Variants in LARGE1 observed in about 807,000 individuals in gnomAD.
LARGE1 encodes LARGE xylosyl- and glucuronyltransferase 1.
LARGE1 carries 43 observed loss-of-function variants against 87.6 expected under a neutral mutation model. That is an observed-to-expected ratio of 0.49 (90% CI 0.38 to 0.63). The LOEUF (loss-of-function observed/expected upper bound fraction) is 0.63, where lower values mean the gene tolerates loss of function less well. Ranked by LOEUF, LARGE1 falls within the 30% of genes least tolerant of loss-of-function variation. LARGE1 has a pLI of 0.00. For missense variants in LARGE1, 802 were observed against 1,000.2 expected, an observed-to-expected ratio of 0.80 and a Z score of 2.67; for synonymous variants, 434 against 394.6, an observed-to-expected ratio of 1.10 and a Z score of -1.18.
intron 6 of LARGE1, among the ~76,000 whole-genome samples, chr22:33,464,898 C>G (rs2068534274): frequency 6.6e-6 from 1 of 150,828 alleles, no homozygotes; most frequent in Non-Finnish European, 1.5e-5. Context: ...CACATACACA[C>G]ACACACACAT....
At chr22:33,913,241 C>T (rs1018462579) in intron 1 of LARGE1, among the ~76,000 whole-genome samples, 4 of 152,216 alleles carry the variant, frequency 2.6e-5, no homozygotes, top group African/African-American at 9.6e-5. Context: ...ATCCTGGAAA[C>T]TCTTACCTAA....
intron 9 of LARGE1, among the ~76,000 whole-genome samples, chr22:33,367,122 A>G (rs1006491542): frequency 1.3e-5 from 2 of 149,608 alleles, no homozygotes; most frequent in Admixed American, 6.7e-5. Context: ...ACAGTATTCT[A>G]TTTTTTTTTT....
intron 3 of LARGE1, among the ~76,000 whole-genome samples, chr22:33,637,335 T>C (rs2149121757): frequency 6.6e-6 from 1 of 152,288 alleles, no homozygotes; most frequent in East Asian, 1.9e-4. Flanking sequence ...AAAATAAGTT[T>C]TACAAAAAAG....
At chr22:33,851,943 C>A (rs2063595040) in intron 1 of LARGE1, among the ~76,000 whole-genome samples, 1 of 152,140 alleles carries the variant, frequency 6.6e-6, no homozygotes, top group South Asian at 2.1e-4. Flanking sequence ...TTGCTTTTAT[C>A]TGTGCTCAGT....
intron 6 of LARGE1, among the ~76,000 whole-genome samples, chr22:33,536,794 G>A (rs940514901): frequency 6.6e-6 from 1 of 151,970 alleles, no homozygotes; most frequent in Non-Finnish European, 1.5e-5. Flanking sequence ...AAGTTGAAAG[G>A]CCATTTATTT....
chr22:33,413,273 A>AT (rs1569142278), intron 7 of LARGE1, among the ~76,000 whole-genome samples: 1 of 152,062 alleles, frequency 6.6e-6, no homozygotes, highest in African/African-American at 2.4e-5. Context: ...TGGTATAATA[A>AT]TTTTTAACTT....
the LARGE1 span, among the ~76,000 whole-genome samples, chr22:33,078,504 G>A: frequency 2.0e-5 from 3 of 152,042 alleles, no homozygotes; most frequent in Non-Finnish European, 4.4e-5. Flanking sequence ...GGAAAATATC[G>A]AGGCACAGAA....
intron 5 of LARGE1, among the ~76,000 whole-genome samples, chr22:33,581,567 A>G (rs980681861): frequency 6.6e-6 from 1 of 152,108 alleles, no homozygotes; most frequent in South Asian, 2.1e-4. Flanking sequence ...TAATCCCAGC[A>G]CTTTGGGAGG....
chr22:33,666,039 G>A (rs985241323), intron 2 of LARGE1, among the ~76,000 whole-genome samples: 3 of 152,030 alleles, frequency 2.0e-5, no homozygotes, highest in Admixed American at 6.6e-5. Context: ...TTTACTTTCT[G>A]CATCTAAATA....
At chr22:33,609,128 C>T (rs977091990) in intron 4 of LARGE1, among the ~76,000 whole-genome samples, 1 of 152,132 alleles carries the variant, frequency 6.6e-6, no homozygotes, top group African/African-American at 2.4e-5. Context: ...GCAATAACTA[C>T]ATATAAGTTA....
chr22:33,361,506 T>C (rs1016851662), intron 9 of LARGE1, among the ~76,000 whole-genome samples: 2 of 149,618 alleles, frequency 1.3e-5, no homozygotes, highest in African/African-American at 4.9e-5. Flanking sequence ...TACTCCCTGC[T>C]CTGGAGATAT....
At chr22:33,132,311 G>A in the LARGE1 span, among the ~76,000 whole-genome samples, 2 of 151,878 alleles carry the variant, frequency 1.3e-5, no homozygotes, top group South Asian at 4.2e-4. Context: ...AGCCTCCCAA[G>A]TGGCTGGGGC....
chr22:33,276,239 G>A (rs915944650), intron 14 of LARGE1, among the ~76,000 whole-genome samples: 3 of 151,854 alleles, frequency 2.0e-5, no homozygotes, highest in Non-Finnish European at 4.4e-5. Flanking sequence ...AAAAAGGCTG[G>A]AGGGACCGAG....
At chr22:33,279,591 T>G (rs1394284453) in intron 13 of LARGE1, among the ~76,000 whole-genome samples, 1 of 152,150 alleles carries the variant, frequency 6.6e-6, no homozygotes, top group Non-Finnish European at 1.5e-5. Flanking sequence ...ACAGCCAGGC[T>G]AGGGGAGGGC....
In LARGE1 at chr22:33,874,098, TTCCACAGGCCGCTTTTTGCATC is replaced by T. The variant is rs538599599; in HGVS notation, c.-83+45875_-83+45896del. ...CTTAAATAAGAAAATGGTACATTAT[TTCCACAGGCCGCTTTTTGCATC>T]CTACCTCTGTCCAACGCAAAACCTC... On this transcript the variant is annotated intron_variant, in intron 1 of 14. Coordinates refer to ENST00000397394, the MANE Select transcript of LARGE1 (RefSeq NM_133642.5). Among the ~76,000 whole-genome samples the T allele has an allele frequency of 1.1e-4, 16 of 152,250 alleles. No homozygotes were observed. The South Asian group carries it at 3.3e-3, about 32-fold the overall frequency.
At chr22:33,826,576 T>C (rs4820117) in intron 1 of LARGE1, among the ~76,000 whole-genome samples, 95,183 of 151,722 alleles carry the variant, frequency 0.63, 30,143 homozygotes, top group East Asian at 0.81. Flanking sequence ...CTCCTGACGT[T>C]GTGATCCGCC....
chr22:33,878,125 A>ATTTCTTTTTTTTTT (rs2064531197), intron 1 of LARGE1, among the ~76,000 whole-genome samples: 1 of 51,236 alleles, frequency 2.0e-5, no homozygotes, highest in Non-Finnish European at 4.1e-5. Context: ...TTTATATTGT[A>ATTTCTTTTTTTTTT]TTTCTTTTTT....
At chr22:33,401,351 C>G (rs755180031) in intron 7 of LARGE1, among the ~76,000 whole-genome samples, 3 of 152,162 alleles carry the variant, frequency 2.0e-5, no homozygotes, top group Non-Finnish European at 4.4e-5. Flanking sequence ...GTCCAATCAA[C>G]TGGTCAGAAA....
intron 6 of LARGE1, among the ~76,000 whole-genome samples, chr22:33,550,849 A>T (rs1383639658): frequency 6.6e-6 from 1 of 152,236 alleles, no homozygotes; most frequent in African/African-American, 2.4e-5. Flanking sequence ...TCACAGTACA[A>T]CGAAATACTA....
Sources: allele counts gnomAD v4.1 joint callset (sites outside exome capture counted in the v4.1 genomes callset), GRCh38; gene constraint gnomAD v4.1.1; transcripts MANE v1.5; gene names NCBI Gene and HGNC (gene_info 2026-07-23, HGNC 2026-07-21).